The following SREBF1 variants were observed in gnomAD, a reference collection of about 807,000 sequenced individuals.
SREBF1 encodes sterol regulatory element-binding protein 1.
A neutral mutation model predicts 100.1 loss-of-function variants in SREBF1; 45 were observed. The observed-to-expected ratio is 0.45, with a 90% CI of 0.35 to 0.58. The LOEUF is 0.58. Among genes scored for constraint, SREBF1 ranks in the 20% least tolerant of loss-of-function variants. The pLI is 0.00. For synonymous variants in SREBF1, 657 were observed against 681.8 expected (o/e 0.96, Z 0.57); for missense variants, 1,324 against 1,539.4 (o/e 0.86, Z 2.34).
chr17:17,825,621 T>G (rs1289679044), intron 1 of SREBF1, among the ~76,000 whole-genome samples: 1 of 148,574 alleles, frequency 6.7e-6, no homozygotes, highest in East Asian at 1.9e-4. Flanking sequence ...TTTTTTTTTT[T>G]TTTTGAGACA....
chr17:17,815,912 C>T lies in SREBF1; in HGVS notation c.2331G>A (p.Trp777Ter), dbSNP rs2033509589. The change falls in exon 12 of 19, where the codon TGG (tryptophan) becomes TGA (stop). Residue 777 changes from tryptophan to a stop codon, truncating the protein, a stop_gained. Coordinates refer to ENST00000261646, the MANE Select transcript of SREBF1 (RefSeq NM_004176.5). LOFTEE classifies it high-confidence loss of function. The part of the protein sequence containing the change: ...VGHRFFVDGD[W>*]SVLSTPWESL... The stretch of plus-strand genomic sequence containing the variant: ...TCTCCCATGGGGTACTGAGCACGGA[C>T]CAGTCCCCATCCACGAAGAAACGGT... 1 of 1,612,880 alleles carries T rather than the reference C, an allele frequency of 6.2e-7. No homozygotes were observed. The highest frequency in any genetic ancestry group is 8.5e-7 in the Non-Finnish European group (1 of 1,179,950).
chr17:17,826,344 C>T (rs752007443), intron 1 of SREBF1, among the ~76,000 whole-genome samples: 75 of 151,496 alleles, frequency 5.0e-4, no homozygotes, highest in Non-Finnish European at 8.2e-4. Flanking sequence ...AGCTGAGGCA[C>T]CTTGGGTGCA....
rs895040990 is a variant in SREBF1 at position 17,812,367 on chromosome 17, G to GC, written c.*254dup. 5.7e-5 allele frequency: 33 copies of GC among 581,372 alleles called. No individual in the cohort carries two copies. The highest frequency in any genetic ancestry group is 1.1e-4 in the African/African-American group (6 of 52,382). 36.0% of individuals were successfully genotyped at this position (581,372 alleles called of 1,614,324 possible). A position where few individuals can be genotyped will look rare whatever the true frequency, so the allele number is the denominator to read the frequency against. On this transcript the variant is annotated 3_prime_UTR_variant, in exon 19 of 19. Transcript: ENST00000261646. ...AGGTGCCTGCAGAGCAAGGAGGGGG[G>GC]CCCCCCAAAATGGCTCGGCCCCTGC...
At chr17:17,823,445 C>T in intron 1 of SREBF1, 1 of 1,194,806 alleles carries the variant, frequency 8.4e-7, no homozygotes, top group Non-Finnish European at 1.2e-6. Context: ...CCCGCATGCC[C>T]GCCCACCCCA....
chr17:17,818,196 G>T, intron 6 of SREBF1, 64 bp downstream of exon 6: 1 of 1,418,664 alleles, frequency 7.0e-7, no homozygotes, highest in Admixed American at 1.7e-5. Flanking sequence ...GATGGGGTGG[G>T]GCCGGGAGGT....
In SREBF1 at chr17:17,813,673, T is replaced by G; in HGVS notation, c.2998A>C (p.Thr1000Pro). 1 of 1,548,974 alleles carries G rather than the reference T, an allele frequency of 6.5e-7. No individual in the cohort carries two copies. The highest frequency in any genetic ancestry group is 2.4e-5 in the East Asian group (1 of 41,518). ...PPAPAPAAQG[T>P]SSRPQASALE... ...GCGGAAGCCTGGGGCCTGCTGCTGGTGCCCTGGGCTGCTGGGGCCGGGGCC... is the reference window on the plus strand; with the variant it reads ...GCGGAAGCCTGGGGCCTGCTGCTGGGGCCCTGGGCTGCTGGGGCCGGGGCC... The change falls in exon 17 of 19, where the codon ACC becomes CCC. Residue 1000 changes from threonine (T) to proline (P), a missense_variant. Physicochemically the swap from Thr to Pro is conservative, Grantham distance 38. Transcript: ENST00000261646.
Position 17,814,929 on chromosome 17 carries a change from G to A in SREBF1, c.2508C>T (p.Ala836=), listed in dbSNP as rs762908697. ...TGTTCAGCAGCTGCAGGTACCCGAG[G>A]GCATCCGAGAATTCCCTGTGGAAGG... ...SADGDKEFSD[A]LGYLQLLNSC... is the part of the protein sequence containing the mutation. The change falls in exon 14 of 19, where the codon GCC becomes GCT. Residue 836 remains alanine (A), a synonymous_variant. Coordinates refer to ENST00000261646, the MANE Select transcript of SREBF1 (RefSeq NM_004176.5). The A allele has an allele frequency of 1.9e-6, 3 of 1,568,712 alleles. No individual in the cohort carries two copies. Among genetic ancestry groups the A allele is most frequent in the East Asian group, 4.7e-5 (2 of 42,948 alleles).
intron 1 of SREBF1, among the ~76,000 whole-genome samples, chr17:17,828,594 G>C (rs1262216190): frequency 6.6e-6 from 1 of 152,166 alleles, no homozygotes; most frequent in Non-Finnish European, 1.5e-5. Context: ...AGTAGCCCCT[G>C]CTGCTGGGCA....
At chr17:17,813,918 G>T (rs947375102) in intron 16 of SREBF1, 149 bp from the exon 17 acceptor site, 11 of 860,238 alleles carry the variant, frequency 1.3e-5, no homozygotes, top group South Asian at 5.0e-5. Flanking sequence ...GCAATGCACC[G>T]CGGGGCCGCC....
rs779717362 is a variant in SREBF1, at chr17:17,820,181, G to A, written c.432C>T (p.Leu144=). 6 of 1,613,224 alleles carry A rather than the reference G, an allele frequency of 3.7e-6. No homozygotes were observed. In the East Asian group the frequency reaches 1.3e-4, roughly 36 times the overall value. ...CTGGGGCTGGGAAGCTCTGTGGCAG[G>A]AGGGCCCCTGGCAGGGGCTGTGGGG... ...TPTPQPLPGA[L]LPQSFPAPAP... is the part of the protein sequence containing the mutation. Residue 144 remains leucine, a synonymous_variant, in exon 2 of 19, where the codon CTC becomes CTT. Transcript: ENST00000261646.
In SREBF1 at chr17:17,812,859, C is replaced by A; in HGVS notation, c.3215-8G>T. 1 of 1,474,030 alleles carries A rather than the reference C, an allele frequency of 6.8e-7. No individual in the cohort carries two copies. Among genetic ancestry groups the A allele is most frequent in the Non-Finnish European group, 8.9e-7 (1 of 1,121,354 alleles). 91.3% of individuals were successfully genotyped at this position (1,474,030 alleles called of 1,614,324 possible). ...CCAGCTCCGCCACCGCGCCTGCGCA[C>A]ACGAGGATGTGTCAGGGATGGGTCT... On this transcript the variant is annotated splice_region_variant and splice_polypyrimidine_tract_variant and intron_variant, in intron 18 of 18. Coordinates refer to ENST00000261646, the MANE Select transcript of SREBF1 (RefSeq NM_004176.5).
rs1171352281 is a variant in SREBF1, at chr17:17,814,379, A to G, written c.2767T>C (p.Phe923Leu). ...CCCAGCAGGGCCCGGGCAGCCTTGA[A>G]GGAGTGCAGAGCTGCCCTGGGCAGG... ...RPLPRAALHS[F>L]KAARALLGCA... is the part of the protein sequence containing the mutation. The change falls in exon 16 of 19, where the codon TTC becomes CTC. Residue 923 changes from phenylalanine to leucine, a missense_variant. Coordinates refer to ENST00000261646, the MANE Select transcript of SREBF1 (RefSeq NM_004176.5). 5.8e-6 allele frequency: 9 copies of G among 1,563,258 alleles called. No individual in the cohort carries two copies. The highest frequency in any genetic ancestry group is 7.8e-6 in the Non-Finnish European group (9 of 1,153,792).
intron 13 of SREBF1, 37 bp from the exon 14 acceptor site, chr17:17,814,981 C>T: frequency 6.5e-7 from 1 of 1,540,182 alleles, no homozygotes; most frequent in Non-Finnish European, 8.8e-7. Context: ...GAACAGATGG[C>T]AGGGGTCCTA....
rs1598104576 is a variant in SREBF1 at position 17,811,537 on chromosome 17, G to T, written c.*1085C>A. On this transcript the variant is annotated 3_prime_UTR_variant, in exon 19 of 19. Coordinates refer to ENST00000261646, the MANE Select transcript of SREBF1 (RefSeq NM_004176.5). Reference sequence around the variant, plus strand: ...GGGAATGGGAATGAAGGGAGGGGCTGGGGGGGGGGGCATGAATGGAGTCAG... The same window carrying T: ...GGGAATGGGAATGAAGGGAGGGGCTTGGGGGGGGGGCATGAATGGAGTCAG... The T allele has an allele frequency of 6.7e-5, 3 of 44,836 alleles. No homozygotes were observed. The highest frequency in any genetic ancestry group is 0.014 in the East Asian group (1 of 72). The allele number at this position is 44,836 out of a possible 1,614,324, so 2.8% of individuals were successfully genotyped here. A position where few individuals can be genotyped will look rare whatever the true frequency, so the allele number is the denominator to read the frequency against.
At chr17:17,821,855 C>G (rs1240077790) in intron 1 of SREBF1, among the ~76,000 whole-genome samples, 3 of 152,238 alleles carry the variant, frequency 2.0e-5, no homozygotes, top group African/African-American at 7.2e-5. Flanking sequence ...TGGGTCTGGT[C>G]CAAAAGCCAG....
Position 17,814,689 on chromosome 17 carries a change from C to G in SREBF1, c.2661G>C (p.Leu887=). 6.3e-7 allele frequency: 1 copy of G among 1,598,940 alleles called. No individual in the cohort carries two copies. Among genetic ancestry groups the G allele is most frequent in the Non-Finnish European group, 8.5e-7 (1 of 1,175,200 alleles). The change falls in exon 15 of 19, where the codon CTG becomes CTC. Residue 887 remains leucine, a synonymous_variant. Transcript: ENST00000261646. The part of the protein sequence containing the change: ...ASLTAVVIHW[L]RRDEEAAERL... The stretch of plus-strand genomic sequence containing the variant: ...GCTCAGCCGCCTCCTCATCCCGCCG[C>G]AGCCAGTGGATCACCACAGCTGTCA...
chr17:17,818,969 TCCTAGGGACA>T, intron 5 of SREBF1, 34 bp downstream of exon 5: 2 of 1,597,466 alleles, frequency 1.3e-6, no homozygotes, highest in Non-Finnish European at 1.7e-6. Flanking sequence ...ATCTGTTCCT[TCCTAGGGACA>T]CCCCGGTCTG....
At chr17:17,822,063 A>T (rs1316318295) in intron 1 of SREBF1, among the ~76,000 whole-genome samples, 1 of 152,228 alleles carries the variant, frequency 6.6e-6, no homozygotes, top group Non-Finnish European at 1.5e-5. Flanking sequence ...CCAATGCCCC[A>T]ACCACTGGCC....
Position 17,812,112 on chromosome 17 carries a change from ACTT to A in SREBF1, c.*507_*509del, listed in dbSNP as rs1333150768. 3 of 425,916 alleles carry A rather than the reference ACTT, an allele frequency of 7.0e-6. No homozygotes were observed. Among genetic ancestry groups the A allele is most frequent in the Non-Finnish European group, 9.1e-6 (2 of 220,484 alleles). 26.4% of individuals were successfully genotyped at this position (425,916 alleles called of 1,614,324 possible). A position where few individuals can be genotyped will look rare whatever the true frequency, so the allele number is the denominator to read the frequency against. On this transcript the variant is annotated 3_prime_UTR_variant, in exon 19 of 19. Transcript: ENST00000261646. ...TTTCATTTTTAATTCTCTGTACAAA[ACTT>A]CTCAATCTATGAAAATAAAGTTTGC...
Sources: gnomAD v4.1 joint callset for allele counts (sites outside exome capture counted in the v4.1 genomes callset) on GRCh38, gnomAD v4.1.1 for gene constraint, MANE v1.5 for transcripts, NCBI Gene and HGNC (gene_info 2026-07-23, HGNC 2026-07-21) for gene names.